NCOA3: variants seen among roughly 807,000 people sequenced by gnomAD.
NCOA3 encodes CBP-interacting protein.
Under a neutral mutation model 158.8 loss-of-function variants are expected in NCOA3, and 51 were observed. That is an observed-to-expected ratio of 0.32 (90% CI 0.26 to 0.41). The LOEUF is 0.41. NCOA3 is among the 10% of genes least tolerant of loss of function. The probability of loss-of-function intolerance (pLI) is 1.00; values close to 1 mark genes in which losing one functional copy is unlikely to be tolerated. For missense variants in NCOA3, 1,510 were observed against 1,746.6 expected, an observed-to-expected ratio of 0.86 and a Z score of 2.41; for synonymous variants, 537 against 592.4, an observed-to-expected ratio of 0.91 and a Z score of 1.36.
At chr20:47,550,734 AT>A (rs2084916798) in intron 1 of NCOA3, among the ~76,000 whole-genome samples, 1 of 152,208 alleles carries the variant, frequency 6.6e-6, no homozygotes, top group Non-Finnish European at 1.5e-5. Context: ...CCTTCCATGT[AT>A]TTAATCTACT....
rs754934301 is a variant in NCOA3 at position 47,642,213 on chromosome 20, G to A, written c.3081G>A (p.Arg1027=). 4.5e-6 allele frequency: 7 copies of A among 1,568,834 alleles called. No homozygotes were observed. In the South Asian group the frequency reaches 8.4e-5, roughly 19 times the overall value. Residue 1027 remains arginine, a splice_region_variant and synonymous_variant, in exon 17 of 23, where the codon AGG becomes AGA. Coordinates refer to ENST00000371998, the MANE Select transcript of NCOA3 (RefSeq NM_181659.3). ...MEQVSHGTQN[R]PLLRNSLDDL... ...ACATTGATTGCAAGTCTTTTTCTAG[G>A]CCTCTTCTTAGGAATTCCCTGGATG...
At chr20:47,536,962 C>T (rs1433697773) in intron 1 of NCOA3, among the ~76,000 whole-genome samples, 1 of 151,862 alleles carries the variant, frequency 6.6e-6, no homozygotes, top group East Asian at 1.9e-4. Flanking sequence ...CGCCACCATG[C>T]CCGGCTAATT....
At chr20:47,565,581 T>C (rs2085180298) in intron 1 of NCOA3, among the ~76,000 whole-genome samples, 1 of 152,064 alleles carries the variant, frequency 6.6e-6, no homozygotes, top group African/African-American at 2.4e-5. Flanking sequence ...CTGGGCATAG[T>C]GTCATGCACC....
Position 47,634,073 on chromosome 20 carries a change from C to T in NCOA3, c.990C>T (p.Thr330=), listed in dbSNP as rs768732305. The change falls in exon 10 of 23, where the codon ACC becomes ACT. Residue 330 remains threonine (T), a synonymous_variant. Transcript: ENST00000371998. The stretch of plus-strand genomic sequence containing the variant: ...CTTATCTTAATGGCCATGCAGAAAC[C>T]CCAGTATATCGATTCTCGTTGGCTG... The part of the protein sequence containing the change: ...QEAYLNGHAE[T]PVYRFSLADG... 1.3e-5 allele frequency: 21 copies of T among 1,613,894 alleles called. No homozygotes were observed. The highest frequency in any genetic ancestry group is 1.2e-5 in the Non-Finnish European group (14 of 1,180,006).
At chr20:47,571,578 T>A (rs557846585) in intron 1 of NCOA3, among the ~76,000 whole-genome samples, 2 of 151,762 alleles carry the variant, frequency 1.3e-5, no homozygotes, top group South Asian at 4.2e-4. Flanking sequence ...AGCAGTAATA[T>A]TTTGAATTTT....
At chr20:47,544,337 T>TC (rs1417452524) in intron 1 of NCOA3, among the ~76,000 whole-genome samples, 1 of 103,644 alleles carries the variant, frequency 9.6e-6, no homozygotes, top group East Asian at 2.5e-4. Flanking sequence ...TTTTTTTTTT[T>TC]CCCTTAAACG....
intron 1 of NCOA3, among the ~76,000 whole-genome samples, chr20:47,528,678 A>G (rs374881041): frequency 3.3e-5 from 5 of 152,288 alleles, no homozygotes; most frequent in African/African-American, 1.2e-4. Flanking sequence ...CTGATGAGAA[A>G]AAAAAATCAG....
chr20:47,541,770 T>C (rs2146131026), intron 1 of NCOA3, among the ~76,000 whole-genome samples: 1 of 152,082 alleles, frequency 6.6e-6, no homozygotes, highest in Admixed American at 6.5e-5. Flanking sequence ...CTGTCTTTCA[T>C]AAAAAGCAAA....
chr20:47,637,799 G>GTT lies in NCOA3; in HGVS notation c.2512+29_2512+30dup, dbSNP rs76088783. The stretch of plus-strand genomic sequence containing the variant: ...AATTCTCTGGGTAAGAATGAACTAG[G>GTT]TTTTTTTTTTTTTTGCTGCCTTTGA... On this transcript the variant is annotated intron_variant, in intron 13 of 22. Transcript: ENST00000371998. The GTT allele has an allele frequency of 2.9e-3, 4,027 of 1,378,956 alleles. No homozygotes were observed. The highest frequency in any genetic ancestry group is 0.011 in the South Asian group (781 of 73,172). The allele number at this position is 1,378,956 out of a possible 1,614,324, so 85.4% of individuals were successfully genotyped here. A position where few individuals can be genotyped will look rare whatever the true frequency, so the allele number is the denominator to read the frequency against.
chr20:47,637,270 A>G (rs527514146), intron 12 of NCOA3, among the ~76,000 whole-genome samples: 1 of 152,200 alleles, frequency 6.6e-6, no homozygotes, highest in Non-Finnish European at 1.5e-5. Context: ...ATGCCTATGA[A>G]CATCCCAGCT....
intron 2 of NCOA3, among the ~76,000 whole-genome samples, chr20:47,597,455 G>A (rs563876351): frequency 3.9e-4 from 56 of 145,286 alleles, no homozygotes; most frequent in Non-Finnish European, 7.5e-4. Flanking sequence ...TTGCATTTCT[G>A]TTAGTCTTTT....
intron 1 of NCOA3, among the ~76,000 whole-genome samples, chr20:47,525,870 GCGGC>G (rs2084433350): frequency 1.2e-4 from 1 of 8,298 alleles, no homozygotes; most frequent in Non-Finnish European, 3.1e-4. Context: ...CCCGGATGGG[GCGGC>G]TGGCCGGGCG....
rs199631249 is a variant in NCOA3, at chr20:47,627,588, C to A, written c.560C>A (p.Thr187Asn). 57 of 1,612,282 alleles carry A rather than the reference C, an allele frequency of 3.5e-5. No homozygotes were observed. Among genetic ancestry groups the A allele is most frequent in the Non-Finnish European group, 4.3e-5 (51 of 1,179,536 alleles). ...AATGGAGTTTCCTGGACAAATGAGA[C>A]CCAAAGACAAAAAAGCCATACATTT... is the stretch of plus-strand genomic sequence containing the variant. ...TVNGVSWTNE[T>N]QRQKSHTFNC... The change falls in exon 7 of 23, where the codon ACC (threonine) becomes AAC (asparagine). Residue 187 changes from threonine to asparagine, a missense_variant. Physicochemically the swap from Thr to Asn is moderately conservative, Grantham distance 65 (BLOSUM62 0). Around this residue, in one of 4 missense-constraint regions of NCOA3, gnomAD observed 309 missense variants for 427.1 expected, o/e 0.72. Transcript: ENST00000371998.
chr20:47,589,436 C>T (rs1003810381), intron 2 of NCOA3, among the ~76,000 whole-genome samples: 8 of 150,760 alleles, frequency 5.3e-5, no homozygotes, highest in African/African-American at 2.0e-4. Flanking sequence ...CGTGCAGTGG[C>T]GCACCCTCAG....
At chr20:47,539,949 G>A (rs532128112) in intron 1 of NCOA3, among the ~76,000 whole-genome samples, 1 of 152,190 alleles carries the variant, frequency 6.6e-6, no homozygotes, top group Admixed American at 6.5e-5. Context: ...AATATTTAAG[G>A]GATACTAGTT....
chr20:47,641,119 G>A (rs116058257), intron 16 of NCOA3, among the ~76,000 whole-genome samples: 1 of 151,294 alleles, frequency 6.6e-6, no homozygotes, highest in African/African-American at 2.4e-5. Flanking sequence ...ACTCAATAGA[G>A]AGCAAATAGT....
At chr20:47,547,830 C>T (rs1263489287) in intron 1 of NCOA3, among the ~76,000 whole-genome samples, 1 of 152,096 alleles carries the variant, frequency 6.6e-6, no homozygotes, top group East Asian at 1.9e-4. Flanking sequence ...ATTGTCGTGC[C>T]TTAGCCTCCC....
rs1440787332 is a variant in NCOA3, at chr20:47,538,439, GAGC to G, written c.-99+36421_-99+36423del. ...TTCCAGTCTGTAACTGCAATTGGAA[GAGC>G]TTTGGAAAAATGATTTGTGGACACA... On this transcript the variant is annotated intron_variant, in intron 1 of 22. Transcript: ENST00000371998. 3.3e-5 allele frequency among the ~76,000 whole-genome samples: 5 copies of G among 152,290 alleles called. No homozygotes were observed. In the East Asian group the frequency reaches 9.6e-4, roughly 29 times the overall value.
At chr20:47,537,876 C>G (rs913077174) in intron 1 of NCOA3, among the ~76,000 whole-genome samples, 17 of 151,908 alleles carry the variant, frequency 1.1e-4, no homozygotes, top group Admixed American at 9.2e-4. Context: ...GCCACTGTGC[C>G]TGGCTGTTTG....
Sources: allele counts gnomAD v4.1 joint callset (sites outside exome capture counted in the v4.1 genomes callset), GRCh38; gene constraint gnomAD v4.1.1; regional missense constraint gnomAD v4.1.1; transcripts MANE v1.5; gene names NCBI Gene and HGNC (gene_info 2026-07-23, HGNC 2026-07-21).